The following EIF3H variants were observed in gnomAD, a reference collection of about 807,000 sequenced individuals.
EIF3H encodes the protein eukaryotic translation initiation factor 3 subunit H, also known as eIF-3-gamma.
In EIF3H, 26 loss-of-function variants were observed where a neutral mutation model predicts 44.2. The ratio of observed to expected loss-of-function variants is 0.59; its 90% CI spans 0.43 to 0.82. The LOEUF is 0.82. Among genes scored for constraint, EIF3H ranks in the 40% least tolerant of loss-of-function variants. The pLI is 0.00. For missense variants in EIF3H, 359 were observed against 432.8 expected, an observed-to-expected ratio of 0.83 and a Z score of 1.51; for synonymous variants, 166 against 151.9, an observed-to-expected ratio of 1.09 and a Z score of -0.68.
chr8:116,729,384 C>T (rs932840064), intron 1 of EIF3H, among the ~76,000 whole-genome samples: 6 of 152,174 alleles, frequency 3.9e-5, no homozygotes, highest in Non-Finnish European at 8.8e-5. Flanking sequence ...CAAGTTATTA[C>T]AGTTCAAACT....
intron 1 of EIF3H, among the ~76,000 whole-genome samples, chr8:116,764,894 C>A (rs777975597): frequency 6.6e-6 from 1 of 152,144 alleles, no homozygotes; most frequent in African/African-American, 2.4e-5. Flanking sequence ...AGGGTGCAAA[C>A]TGGCACTGTC....
At chr8:116,693,331 T>A (rs1329763882) in intron 2 of EIF3H, among the ~76,000 whole-genome samples, 3 of 152,228 alleles carry the variant, frequency 2.0e-5, no homozygotes, top group Non-Finnish European at 4.4e-5. Flanking sequence ...GTGAGCTCCT[T>A]AAGAGTGAGG....
At position 116,752,771 on chromosome 8, in the gene EIF3H, GGGAGGGAGGGAGGGAGGGAGGGAGGGAA is replaced by G. The variant is rs1219490362; in HGVS notation, c.132+2867_132+2894del. ...AAAGAAAGAGGGAGGGAGGGAGGGA[GGGAGGGAGGGAGGGAGGGAGGGAGGGAA>G]GGAAGGAAGGAAGGAAGGAAGGAAG... On this transcript the variant is annotated intron_variant, in intron 1 of 7. Transcript: ENST00000521861. 2.2e-4 allele frequency among the ~76,000 whole-genome samples: 12 copies of G among 54,486 alleles called. 1 individual carries two copies. The highest frequency in any genetic ancestry group is 1.3e-3 in the South Asian group (2 of 1,506). 35.7% of individuals were successfully genotyped at this position (54,486 alleles called of 152,430 possible).
intron 2 of EIF3H, among the ~76,000 whole-genome samples, chr8:116,666,289 T>C (rs369174278): frequency 4.6e-5 from 7 of 152,174 alleles, no homozygotes; most frequent in African/African-American, 1.4e-4. Flanking sequence ...GGGGCAGGCA[T>C]TGTCGCCCTA....
chr8:116,742,137 TG>T (rs1815143498), intron 1 of EIF3H, among the ~76,000 whole-genome samples: 2 of 152,064 alleles, frequency 1.3e-5, no homozygotes, highest in African/African-American at 4.8e-5. Flanking sequence ...TTAGTTACAA[TG>T]CTCCAATACA....
intron 2 of EIF3H, among the ~76,000 whole-genome samples, chr8:116,665,848 C>G (rs535350259): frequency 6.6e-6 from 1 of 152,178 alleles, no homozygotes; most frequent in Admixed American, 6.5e-5. Context: ...TTCAAAGCTA[C>G]TAGCAGATGT....
At chr8:116,759,583 ATGT>A (rs1815493519), upstream of EIF3H, among the ~76,000 whole-genome samples, 2 of 152,080 alleles carry the variant, frequency 1.3e-5, no homozygotes, top group South Asian at 4.2e-4. Context: ...GAGCCCCTAA[ATGT>A]TGTTAAATGT....
rs117153421 is a variant in EIF3H at position 116,663,387 on chromosome 8, A to T, written c.290-4407T>A. 1.4e-3 allele frequency among the ~76,000 whole-genome samples: 213 copies of T among 152,318 alleles called. 3 individuals carry two copies. Among genetic ancestry groups the T allele is most frequent in the East Asian group, 0.014 (72 of 5,180 alleles). ...TAGACAAGCTTCAATTTTTGTTCTC[A>T]TATTTAAGGGAAGTCAAAACAGCAA... On this transcript the variant is annotated intron_variant, in intron 2 of 7. Coordinates refer to ENST00000521861, the MANE Select transcript of EIF3H (RefSeq NM_003756.3).
intron 1 of EIF3H, among the ~76,000 whole-genome samples, chr8:116,732,299 T>G (rs561245604): frequency 1.3e-5 from 2 of 152,292 alleles, no homozygotes; most frequent in African/African-American, 4.8e-5. Context: ...ACAAGTATTC[T>G]CTGTATTATA....
intron 2 of EIF3H, among the ~76,000 whole-genome samples, chr8:116,676,380 T>C (rs1813848335): frequency 6.6e-6 from 1 of 152,164 alleles, no homozygotes; most frequent in South Asian, 2.1e-4. Context: ...TCAGGAAACT[T>C]ACAATCATGG....
At chr8:116,686,529 A>G (rs1392448610) in intron 2 of EIF3H, among the ~76,000 whole-genome samples, 1 of 152,126 alleles carries the variant, frequency 6.6e-6, no homozygotes, top group African/African-American at 2.4e-5. Flanking sequence ...GTATTTCCTG[A>G]GCACTTAGCT....
chr8:116,678,317 T>G (rs1444613497), intron 2 of EIF3H, among the ~76,000 whole-genome samples: 1 of 151,526 alleles, frequency 6.6e-6, no homozygotes, highest in African/African-American at 2.4e-5. Flanking sequence ...CAGGCTGGAG[T>G]GCAGTGGCGT....
chr8:116,666,022 T>C (rs1017639417), intron 2 of EIF3H, among the ~76,000 whole-genome samples: 1 of 152,234 alleles, frequency 6.6e-6, no homozygotes, highest in Non-Finnish European at 1.5e-5. Context: ...CTGTTATTAA[T>C]ACCACCCTGT....
chr8:116,649,134 T>C (rs537519921), intron 5 of EIF3H, among the ~76,000 whole-genome samples: 4 of 152,338 alleles, frequency 2.6e-5, no homozygotes, highest in African/African-American at 7.2e-5. Flanking sequence ...ATCTCAGGGA[T>C]ACCTGAAATA....
chr8:116,718,796 G>C (rs1814695648), intron 2 of EIF3H, among the ~76,000 whole-genome samples: 1 of 151,492 alleles, frequency 6.6e-6, no homozygotes, highest in Non-Finnish European at 1.5e-5. Flanking sequence ...TCAGGTGATG[G>C]GTGAACCAAA....
At chr8:116,703,013 C>T (rs964128490) in intron 2 of EIF3H, among the ~76,000 whole-genome samples, 2 of 152,052 alleles carry the variant, frequency 1.3e-5, no homozygotes, top group South Asian at 2.1e-4. Flanking sequence ...AGCGTGTGGG[C>T]GGCAAGCCAC....
intron 2 of EIF3H, among the ~76,000 whole-genome samples, chr8:116,724,630 G>A (rs1286990638): frequency 1.3e-5 from 2 of 151,828 alleles, no homozygotes; most frequent in Admixed American, 6.6e-5. Flanking sequence ...AATAAGCAAA[G>A]GACTTGAATA....
intron 6 of EIF3H, among the ~76,000 whole-genome samples, chr8:116,648,266 C>A (rs892416091): frequency 6.6e-6 from 1 of 152,034 alleles, no homozygotes; most frequent in Non-Finnish European, 1.5e-5. Flanking sequence ...GGCCTGCAGG[C>A]AACATGAATA....
intron 1 of EIF3H, among the ~76,000 whole-genome samples, chr8:116,746,971 C>A (rs916763914): frequency 1.3e-5 from 2 of 152,042 alleles, no homozygotes; most frequent in African/African-American, 2.4e-5. Flanking sequence ...TAAAGTTCAA[C>A]AACAGGGGAC....
Sources: gnomAD v4.1 joint callset for allele counts (sites outside exome capture counted in the v4.1 genomes callset) on GRCh38, gnomAD v4.1.1 for gene constraint, MANE v1.5 for transcripts, NCBI Gene and HGNC (gene_info 2026-07-23, HGNC 2026-07-21) for gene names.